The following SYT16 variants were observed in gnomAD, a reference collection of about 807,000 sequenced individuals.
SYT16 encodes the protein synaptotagmin-16.
SYT16 carries 42 observed loss-of-function variants against 61.4 expected under a neutral mutation model. That is an observed-to-expected ratio of 0.68 (90% CI 0.53 to 0.89). SYT16 has a LOEUF of 0.89. SYT16 is among the 40% of genes least tolerant of loss of function. The pLI is 0.00. For missense variants in SYT16, 804 were observed against 807.3 expected, an observed-to-expected ratio of 1.00 and a Z score of 0.05; for synonymous variants, 314 against 302.3, an observed-to-expected ratio of 1.04 and a Z score of -0.40.
chr14:62,082,787 G>T (rs997700083), intron 6 of SYT16, among the ~76,000 whole-genome samples: 1 of 152,224 alleles, frequency 6.6e-6, no homozygotes, highest in Non-Finnish European at 1.5e-5. Flanking sequence ...TAGGCCCTAT[G>T]CTGTGTGCTG....
At chr14:61,833,831 C>T (rs1186372446) in intron 1 of SYT16, among the ~76,000 whole-genome samples, 2 of 150,300 alleles carry the variant, frequency 1.3e-5, no homozygotes, top group African/African-American at 2.4e-5. Context: ...ACTTACAGGA[C>T]TGTTCTTTAA....
At chr14:61,891,012 C>T (rs1163677544) in intron 1 of SYT16, among the ~76,000 whole-genome samples, 1 of 152,166 alleles carries the variant, frequency 6.6e-6, no homozygotes, top group Non-Finnish European at 1.5e-5. Context: ...CTTTCAGTTA[C>T]AAGAAAGGAG....
intron 2 of SYT16, among the ~76,000 whole-genome samples, chr14:61,992,632 A>G (rs1254281775): frequency 6.6e-6 from 1 of 151,952 alleles, no homozygotes; most frequent in African/African-American, 2.4e-5. Context: ...TGGTGCTGAT[A>G]ATTATTATTA....
chr14:61,859,707 A>G (rs2046908188), intron 1 of SYT16, among the ~76,000 whole-genome samples: 1 of 151,942 alleles, frequency 6.6e-6, no homozygotes, highest in Non-Finnish European at 1.5e-5. Flanking sequence ...AAACCAAATT[A>G]AGTCACCTGA....
chr14:61,889,152 G>C (rs2048027166), intron 1 of SYT16, among the ~76,000 whole-genome samples: 1 of 152,198 alleles, frequency 6.6e-6, no homozygotes, highest in Non-Finnish European at 1.5e-5. Context: ...AGAGAGCCTG[G>C]ACTCAACTCT....
intron 1 of SYT16, among the ~76,000 whole-genome samples, chr14:61,898,501 T>A (rs750205930): frequency 1.4e-4 from 22 of 152,164 alleles, no homozygotes; most frequent in Non-Finnish European, 2.6e-4. Context: ...TAGGGAGTTG[T>A]CAGATCTCAT....
chr14:62,001,488 G>A (rs1004178505), intron 3 of SYT16, among the ~76,000 whole-genome samples: 11 of 152,038 alleles, frequency 7.2e-5, no homozygotes, highest in Non-Finnish European at 1.5e-4. Context: ...TTCACTTGGA[G>A]CTTTGAAGAT....
At chr14:61,816,235 C>G (rs1370661976) in intron 1 of SYT16, among the ~76,000 whole-genome samples, 1 of 147,538 alleles carries the variant, frequency 6.8e-6, no homozygotes. Flanking sequence ...CTGCAGTTTC[C>G]TTTCTCCCCA....
chr14:61,830,201 A>G (rs1463845025), intron 1 of SYT16, among the ~76,000 whole-genome samples: 1 of 152,144 alleles, frequency 6.6e-6, no homozygotes, highest in African/African-American at 2.4e-5. Flanking sequence ...ATAAATTCCA[A>G]CATTTGTGTT....
At chr14:61,902,053 G>A (rs997479566) in intron 1 of SYT16, among the ~76,000 whole-genome samples, 8 of 152,222 alleles carry the variant, frequency 5.3e-5, no homozygotes, top group East Asian at 1.9e-4. Flanking sequence ...GTGAGCCACC[G>A]TTCCAGACCT....
At chr14:61,879,092 T>C (rs746983924) in intron 1 of SYT16, among the ~76,000 whole-genome samples, 4 of 151,042 alleles carry the variant, frequency 2.6e-5, no homozygotes, top group Non-Finnish European at 4.4e-5. Flanking sequence ...GCTATTAATT[T>C]GTGTTTTTTT....
intron 7 of SYT16, among the ~76,000 whole-genome samples, chr14:62,097,630 C>G (rs977386677): frequency 2.2e-4 from 34 of 152,136 alleles, no homozygotes; most frequent in African/African-American, 2.4e-5. Context: ...GAACATTTTC[C>G]TTCCTTTTGT....
intron 1 of SYT16, among the ~76,000 whole-genome samples, chr14:61,945,980 G>A (rs1429899028): frequency 6.7e-6 from 1 of 148,532 alleles, no homozygotes; most frequent in East Asian, 2.1e-4. Flanking sequence ...AACACCACAT[G>A]TTCTCACCCA....
chr14:62,043,352 TTTG>T (rs2054817962), intron 3 of SYT16, among the ~76,000 whole-genome samples: 1 of 151,922 alleles, frequency 6.6e-6, no homozygotes, highest in Admixed American at 6.6e-5. Context: ...CTATTCCTAG[TTTG>T]TTAAGACTTT....
At chr14:61,991,819 G>A (rs1249452226) in intron 2 of SYT16, among the ~76,000 whole-genome samples, 1 of 152,130 alleles carries the variant, frequency 6.6e-6, no homozygotes, top group Non-Finnish European at 1.5e-5. Flanking sequence ...GCACACAATG[G>A]CAAATTCTTG....
chr14:62,083,946 C>T (rs535717918), intron 6 of SYT16, among the ~76,000 whole-genome samples: 21 of 152,250 alleles, frequency 1.4e-4, no homozygotes, highest in East Asian at 9.6e-4. Context: ...CGTCTTTGTC[C>T]GTTTTGCCTT....
At chr14:61,845,417 A>T (rs1321325706) in intron 1 of SYT16, among the ~76,000 whole-genome samples, 1 of 152,102 alleles carries the variant, frequency 6.6e-6, no homozygotes, top group Non-Finnish European at 1.5e-5. Flanking sequence ...TCATGGTTCA[A>T]TCTTGGTAGG....
intron 3 of SYT16, among the ~76,000 whole-genome samples, chr14:62,008,589 A>G (rs2053316988): frequency 1.3e-5 from 2 of 150,382 alleles, no homozygotes; most frequent in Admixed American, 6.6e-5. Flanking sequence ...GGTAAAACAA[A>G]TCTAAATTTG....
intron 2 of SYT16, among the ~76,000 whole-genome samples, chr14:61,975,796 A>G (rs2051765960): frequency 6.6e-6 from 1 of 152,170 alleles, no homozygotes; most frequent in South Asian, 2.1e-4. Context: ...GCCTAACCAT[A>G]TTATTCTGCT....
Sources: allele counts gnomAD v4.1 joint callset (sites outside exome capture counted in the v4.1 genomes callset), GRCh38; gene constraint gnomAD v4.1.1; transcripts MANE v1.5; gene names NCBI Gene and HGNC (gene_info 2026-07-23, HGNC 2026-07-21).